Variants in CACNB4 observed in about 807,000 individuals in gnomAD.
CACNB4 encodes the protein voltage-dependent L-type calcium channel subunit beta-4.
Under a neutral mutation model 71.2 loss-of-function variants are expected in CACNB4, and 32 were observed. The ratio of observed to expected loss-of-function variants is 0.45; its 90% CI spans 0.34 to 0.60. The LOEUF (loss-of-function observed/expected upper bound fraction) is 0.60, where lower values mean the gene tolerates loss of function less well. CACNB4 is among the 20% of genes least tolerant of loss of function. The pLI is 0.01. For synonymous variants in CACNB4, 231 were observed against 236.9 expected, an observed-to-expected ratio of 0.97 and a Z score of 0.23; for missense variants, 464 against 647.9, an observed-to-expected ratio of 0.72 and a Z score of 3.08.
chr2:151,917,953 G>T (rs2099857964), intron 2 of CACNB4, among the ~76,000 whole-genome samples: 1 of 152,052 alleles, frequency 6.6e-6, no homozygotes, highest in Non-Finnish European at 1.5e-5. Flanking sequence ...AAGTTGGCTG[G>T]AAACCCCAAT....
chr2:151,932,930 G>A (rs2099861984), intron 2 of CACNB4, among the ~76,000 whole-genome samples: 1 of 151,590 alleles, frequency 6.6e-6, no homozygotes, highest in Non-Finnish European at 1.5e-5. Flanking sequence ...CCATTATGCT[G>A]CCACAAGCCA....
At chr2:152,000,799 T>C (rs1231844024) in intron 2 of CACNB4, among the ~76,000 whole-genome samples, 1 of 152,176 alleles carries the variant, frequency 6.6e-6, no homozygotes, top group African/African-American at 2.4e-5. Context: ...CCCTGACCTC[T>C]TGGGCTGGGA....
At chr2:151,881,058 G>T in intron 3 of CACNB4, 136 bp from the exon 4 acceptor site, 1 of 841,700 alleles carries the variant, frequency 1.2e-6, no homozygotes, top group Non-Finnish European at 1.8e-6. Context: ...ACATTCTCAA[G>T]CAATATCAAG....
At chr2:152,084,613 T>C (rs1216712295) in intron 2 of CACNB4, among the ~76,000 whole-genome samples, 1 of 152,124 alleles carries the variant, frequency 6.6e-6, no homozygotes, top group Non-Finnish European at 1.5e-5. Context: ...CTGCTTCCTT[T>C]GTTTTTTGTT....
At chr2:151,860,142 A>C (rs1398206503) in intron 10 of CACNB4, 1 of 158,388 alleles carries the variant, frequency 6.3e-6, no homozygotes, top group Non-Finnish European at 1.4e-5. Flanking sequence ...TCCATCCTCC[A>C]CAGCCCTGCT....
Position 151,834,903 on chromosome 2 carries a change from A to G in CACNB4, c.*4216T>C, listed in dbSNP as rs2099834571. On this transcript the variant is annotated 3_prime_UTR_variant, in exon 14 of 14. Coordinates refer to ENST00000539935, the MANE Select transcript of CACNB4 (RefSeq NM_000726.5). ...TCAAGGATGAGTTTTATATAATTTA[A>G]AAAAACACAACATGCAACATTGTCA... 6.6e-6 allele frequency: 1 copy of G among 152,096 alleles called. No individual in the cohort carries two copies. The highest frequency in any genetic ancestry group is 6.5e-5 in the Admixed American group (1 of 15,282). The allele number at this position is 152,096 out of a possible 1,614,324, so 9.4% of individuals were successfully genotyped here. A position where few individuals can be genotyped will look rare whatever the true frequency, so the allele number is the denominator to read the frequency against.
At chr2:152,008,731 C>T (rs986730155) in intron 2 of CACNB4, among the ~76,000 whole-genome samples, 1 of 152,192 alleles carries the variant, frequency 6.6e-6, no homozygotes, top group Non-Finnish European at 1.5e-5. Context: ...TGGAGTCTGG[C>T]CCAAGTCTAG....
intron 2 of CACNB4, among the ~76,000 whole-genome samples, chr2:151,912,922 A>G (rs906985028): frequency 5.3e-5 from 8 of 151,556 alleles, no homozygotes; most frequent in Non-Finnish European, 8.8e-5. Context: ...CCATTATGTA[A>G]TGTCCTTCTT....
chr2:152,017,478 C>T (rs12693207), intron 2 of CACNB4, among the ~76,000 whole-genome samples: 33,006 of 138,546 alleles, frequency 0.24, 3,871 homozygotes, highest in Middle Eastern at 0.41. Context: ...GAGGCTGAGG[C>T]GGGCGGATCC....
chr2:152,072,637 TTTTTC>T (rs1414457415), intron 2 of CACNB4, among the ~76,000 whole-genome samples: 1 of 151,976 alleles, frequency 6.6e-6, no homozygotes, highest in Non-Finnish European at 1.5e-5. Context: ...CCTCCATTTC[TTTTTC>T]TTTTCTTTTT....
At chr2:151,976,854 C>T (rs2099873897) in intron 2 of CACNB4, among the ~76,000 whole-genome samples, 1 of 152,166 alleles carries the variant, frequency 6.6e-6, no homozygotes, top group Admixed American at 6.5e-5. Flanking sequence ...CAGCTCCAGT[C>T]CCCAGCTTTT....
intron 2 of CACNB4, among the ~76,000 whole-genome samples, chr2:151,962,057 T>C (rs2099869807): frequency 1.3e-5 from 2 of 152,230 alleles, no homozygotes; most frequent in South Asian, 2.1e-4. Context: ...CGGTAAGCTC[T>C]GCTCTTTGGC....
At chr2:151,946,237 G>A (rs985604481) in intron 2 of CACNB4, among the ~76,000 whole-genome samples, 1 of 151,950 alleles carries the variant, frequency 6.6e-6, no homozygotes, top group Non-Finnish European at 1.5e-5. Context: ...GCTGAGGCAG[G>A]AGAATCACTT....
At chr2:152,077,329 T>C (rs1403832503) in intron 2 of CACNB4, among the ~76,000 whole-genome samples, 4 of 152,260 alleles carry the variant, frequency 2.6e-5, no homozygotes, top group South Asian at 2.1e-4. Context: ...CCGAGGCACA[T>C]GGATCATGAG....
chr2:151,978,291 A>G (rs1360690269), intron 2 of CACNB4, among the ~76,000 whole-genome samples: 1 of 152,226 alleles, frequency 6.6e-6, no homozygotes, highest in Non-Finnish European at 1.5e-5. Flanking sequence ...TATGAAAGAT[A>G]CATAGGAGGC....
chr2:152,077,509 C>T (rs192764651), intron 2 of CACNB4, among the ~76,000 whole-genome samples: 4 of 152,186 alleles, frequency 2.6e-5, no homozygotes, highest in African/African-American at 7.2e-5. Context: ...GCCAAGATCG[C>T]GCCACTGCAC....
chr2:152,036,090 T>C (rs1684575503), intron 2 of CACNB4, among the ~76,000 whole-genome samples: 2 of 152,204 alleles, frequency 1.3e-5, no homozygotes, highest in South Asian at 2.1e-4. Flanking sequence ...ATTCCACTTA[T>C]ATGGGGTATC....
chr2:152,029,538 A>G (rs923129157), intron 2 of CACNB4, among the ~76,000 whole-genome samples: 2 of 150,726 alleles, frequency 1.3e-5, no homozygotes, highest in Non-Finnish European at 3.0e-5. Flanking sequence ...AAAAGAAAAG[A>G]AAGAGCCCAG....
intron 2 of CACNB4, among the ~76,000 whole-genome samples, chr2:152,055,283 A>T (rs181045342): frequency 6.6e-6 from 1 of 152,204 alleles, no homozygotes; most frequent in South Asian, 2.1e-4. Context: ...AAATGCTGGG[A>T]TTACAGGTGT....
Sources: allele counts gnomAD v4.1 joint callset (sites outside exome capture counted in the v4.1 genomes callset), GRCh38; gene constraint gnomAD v4.1.1; transcripts MANE v1.5; gene names NCBI Gene and HGNC (gene_info 2026-07-23, HGNC 2026-07-21).